MDGA2: variants seen among roughly 807,000 people sequenced by gnomAD.
MDGA2 encodes MAM domain containing glycosylphosphatidylinositol anchor 2.
In MDGA2, 40 loss-of-function variants were observed where a neutral mutation model predicts 117.8. The observed-to-expected ratio is 0.34, with a 90% CI of 0.26 to 0.44. MDGA2 has a LOEUF of 0.44. MDGA2 is among the 20% of genes least tolerant of loss of function. The probability of loss-of-function intolerance (pLI) is 1.00; values close to 1 mark genes in which losing one functional copy is unlikely to be tolerated. For synonymous variants in MDGA2, 452 were observed against 439.0 expected (o/e 1.03, Z -0.37); for missense variants, 1,123 against 1,250.6 (o/e 0.90, Z 1.54).
At chr14:47,366,700 T>C (rs1891237871) in intron 1 of MDGA2, among the ~76,000 whole-genome samples, 1 of 151,878 alleles carries the variant, frequency 6.6e-6, no homozygotes, top group Non-Finnish European at 1.5e-5. Context: ...TATAAATCAG[T>C]ACAGATTGAG....
intron 1 of MDGA2, among the ~76,000 whole-genome samples, chr14:47,354,557 G>A (rs979215753): frequency 7.2e-5 from 11 of 152,134 alleles, no homozygotes; most frequent in Admixed American, 2.0e-4. Context: ...CTGTGCTGCC[G>A]CTACTCCACC....
At chr14:47,082,974 C>T (rs1443873864) in intron 6 of MDGA2, among the ~76,000 whole-genome samples, 1 of 151,752 alleles carries the variant, frequency 6.6e-6, no homozygotes, top group Non-Finnish European at 1.5e-5. Context: ...TTAGAAACAA[C>T]AGAATACAAG....
intron 7 of MDGA2, among the ~76,000 whole-genome samples, chr14:47,044,725 CT>C (rs1889195654): frequency 6.6e-6 from 1 of 152,120 alleles, no homozygotes; most frequent in Non-Finnish European, 1.5e-5. Context: ...GTTTACAAAT[CT>C]AGCAATTGAA....
rs187125120 is a variant in MDGA2, at chr14:46,993,457, T to C, written c.1820-35814A>G. 7.2e-4 allele frequency among the ~76,000 whole-genome samples: 94 copies of C among 131,320 alleles called. 2 individuals are homozygous for C. Among genetic ancestry groups the C allele is most frequent in the African/African-American group, 2.3e-3 (90 of 38,638 alleles). The allele number at this position is 131,320 out of a possible 152,430, so 86.2% of individuals were successfully genotyped here. Reference sequence around the variant, plus strand: ...AAATTATCACTTTTTTTCTATTTTTTTGGGGGGGACTTTTTTTTTTCTGAC... The same window carrying C: ...AAATTATCACTTTTTTTCTATTTTTCTGGGGGGGACTTTTTTTTTTCTGAC... On this transcript the variant is annotated intron_variant, in intron 8 of 16. Transcript: ENST00000399232.
chr14:47,614,932 C>A (rs566143764), intron 1 of MDGA2, among the ~76,000 whole-genome samples: 9 of 152,238 alleles, frequency 5.9e-5, no homozygotes, highest in African/African-American at 2.2e-4. Flanking sequence ...GTATCTGGTA[C>A]ACAGTAAATG....
intron 10 of MDGA2, among the ~76,000 whole-genome samples, chr14:46,907,969 T>C (rs1241248298): frequency 6.6e-6 from 1 of 152,184 alleles, no homozygotes; most frequent in Non-Finnish European, 1.5e-5. Context: ...TAGCATATTA[T>C]GTACCAATTT....
At chr14:47,558,288 G>C (rs1015209544) in intron 1 of MDGA2, among the ~76,000 whole-genome samples, 2 of 152,176 alleles carry the variant, frequency 1.3e-5, no homozygotes, top group African/African-American at 4.8e-5. Flanking sequence ...GCAGGGGTAA[G>C]AAAAGAATTA....
At chr14:46,865,834 G>C (rs1042733178) in intron 14 of MDGA2, among the ~76,000 whole-genome samples, 4 of 151,730 alleles carry the variant, frequency 2.6e-5, no homozygotes, top group Non-Finnish European at 5.9e-5. Context: ...CAACTTACAA[G>C]GGATGTGAAG....
intron 1 of MDGA2, among the ~76,000 whole-genome samples, chr14:47,557,233 A>G (rs920416887): frequency 6.6e-6 from 1 of 152,236 alleles, no homozygotes; most frequent in African/African-American, 2.4e-5. Flanking sequence ...GAAAAATGGC[A>G]CTATAAGGGA....
In MDGA2 at chr14:47,205,138, GTGTATATATATGTGCATA is replaced by G. The variant is rs778847253; in HGVS notation, c.595+12865_595+12882del. 1.9e-3 allele frequency among the ~76,000 whole-genome samples: 292 copies of G among 152,046 alleles called. 3 individuals are homozygous for G. The highest frequency in any genetic ancestry group is 3.7e-3 in the Non-Finnish European group (248 of 67,906). On this transcript the variant is annotated intron_variant, in intron 3 of 16. Transcript: ENST00000399232. ...TTTGTGTGTATATATATGTGCATATGTGTATATATATGTGCATATGTATGCATATATATGTAGCCCCAT... is the reference window on the plus strand; with the variant it reads ...TTTGTGTGTATATATATGTGCATATGTGTATGCATATATATGTAGCCCCAT...
intron 7 of MDGA2, among the ~76,000 whole-genome samples, chr14:47,041,812 AG>A (rs1324680077): frequency 1.3e-5 from 2 of 152,116 alleles, no homozygotes; most frequent in Non-Finnish European, 2.9e-5. Flanking sequence ...AAAAGAATGC[AG>A]AAGTTTAGTT....
At chr14:47,406,474 TA>T (rs10707540) in intron 1 of MDGA2, among the ~76,000 whole-genome samples, 27,687 of 151,866 alleles carry the variant, frequency 0.18, 2,684 homozygotes, top group Admixed American at 0.26. Context: ...GGAAACGAAA[TA>T]AAAGTCTGAG....
chr14:46,977,841 C>T (rs915267550), intron 8 of MDGA2, among the ~76,000 whole-genome samples: 6 of 113,544 alleles, frequency 5.3e-5, no homozygotes, highest in African/African-American at 1.9e-4. Context: ...AAAAAAATAT[C>T]CTTGAAAATC....
intron 6 of MDGA2, among the ~76,000 whole-genome samples, chr14:47,077,846 G>A (rs529742401): frequency 3.3e-5 from 5 of 152,116 alleles, no homozygotes; most frequent in South Asian, 2.1e-4. Context: ...TTAAAAAAAA[G>A]TTGTACAAGA....
At chr14:47,519,158 T>C (rs567228321) in intron 1 of MDGA2, among the ~76,000 whole-genome samples, 1 of 151,104 alleles carries the variant, frequency 6.6e-6, no homozygotes, top group South Asian at 2.1e-4. Context: ...TGAGCCGAGA[T>C]CACACCATTT....
intron 3 of MDGA2, among the ~76,000 whole-genome samples, chr14:47,191,015 C>T (rs544751892): frequency 6.6e-6 from 1 of 152,182 alleles, no homozygotes; most frequent in Non-Finnish European, 1.5e-5. Context: ...CAAGTTGAGA[C>T]TTGCCCTATG....
At chr14:47,021,173 T>G (rs1888274038) in intron 8 of MDGA2, among the ~76,000 whole-genome samples, 1 of 152,106 alleles carries the variant, frequency 6.6e-6, no homozygotes, top group African/African-American at 2.4e-5. Flanking sequence ...CAAGAAGAAA[T>G]AATATAGTAG....
At chr14:46,999,135 C>T (rs1184406950) in intron 8 of MDGA2, among the ~76,000 whole-genome samples, 2 of 151,714 alleles carry the variant, frequency 1.3e-5, no homozygotes, top group African/African-American at 4.8e-5. Flanking sequence ...ATTTAAAATA[C>T]AGCACCTTAA....
chr14:47,179,363 G>C (rs984689694), intron 3 of MDGA2, among the ~76,000 whole-genome samples: 6 of 151,506 alleles, frequency 4.0e-5, no homozygotes, highest in Non-Finnish European at 8.8e-5. Context: ...TACATAGTTC[G>C]TTCTACTGTA....
Sources: gnomAD v4.1 joint callset for allele counts (sites outside exome capture counted in the v4.1 genomes callset) on GRCh38, gnomAD v4.1.1 for gene constraint, MANE v1.5 for transcripts, NCBI Gene and HGNC (gene_info 2026-07-23, HGNC 2026-07-21) for gene names.